Variants in BACE2 observed in about 807,000 individuals in gnomAD.
BACE2 encodes beta-secretase 2, also known as 56 kDa aspartic-like protease.
In BACE2, 17 loss-of-function variants were observed where a neutral mutation model predicts 46.2. The observed-to-expected ratio is 0.37, with a 90% CI of 0.25 to 0.55. The LOEUF is 0.55. BACE2 is among the 20% of genes least tolerant of loss of function. The pLI, the probability that BACE2 is intolerant of heterozygous loss-of-function variation, is 0.82. For missense variants in BACE2, 595 were observed against 698.1 expected, an observed-to-expected ratio of 0.85 and a Z score of 1.66; for synonymous variants, 277 against 295.9, an observed-to-expected ratio of 0.94 and a Z score of 0.66.
intron 1 of BACE2, among the ~76,000 whole-genome samples, chr21:41,206,633 T>A (rs1342916824): frequency 2.6e-5 from 4 of 152,136 alleles, no homozygotes; most frequent in African/African-American, 9.7e-5. Context: ...TCCGCAGGAA[T>A]GGAGAGTGAG....
intron 1 of BACE2, among the ~76,000 whole-genome samples, chr21:41,191,081 C>G (rs904261030): frequency 2.0e-5 from 3 of 152,136 alleles, no homozygotes; most frequent in Admixed American, 6.5e-5. Flanking sequence ...GATGCCACTT[C>G]CACTTCCAAC....
chr21:41,258,794 A>C (rs1047195991), intron 8 of BACE2, among the ~76,000 whole-genome samples: 1 of 152,196 alleles, frequency 6.6e-6, no homozygotes, highest in East Asian at 1.9e-4. Flanking sequence ...TTCGCTTTGC[A>C]TTTGTGAGCA....
At position 41,275,477 on chromosome 21, in the gene BACE2, T is replaced by C; in HGVS notation, c.1410T>C (p.Ile470=). Residue 470 remains isoleucine (I), a synonymous_variant, in exon 9 of 9, where the codon ATT becomes ATC. Coordinates refer to ENST00000330333, the MANE Select transcript of BACE2 (RefSeq NM_012105.5). ...CTTTGAGCGAGCCCATTTTGTGGAT[T>C]GTGTCCTATGCGCTCATGAGCGTCT... is the stretch of plus-strand genomic sequence containing the variant. ...AQSLSEPILW[I]VSYALMSVCG... 6.2e-7 allele frequency: 1 copy of C among 1,614,146 alleles called. No individual in the cohort carries two copies. Among genetic ancestry groups the C allele is most frequent in the Non-Finnish European group, 8.5e-7 (1 of 1,180,018 alleles).
At chr21:41,225,214 A>G (rs1354224923) in intron 1 of BACE2, among the ~76,000 whole-genome samples, 1 of 150,760 alleles carries the variant, frequency 6.6e-6, no homozygotes, top group Non-Finnish European at 1.5e-5. Flanking sequence ...AGCCTGAACG[A>G]TAGAGCGAGA....
chr21:41,179,656 G>A (rs1415460693), intron 1 of BACE2: 2 of 1,357,252 alleles, frequency 1.5e-6, no homozygotes, highest in South Asian at 2.3e-5. Context: ...TCTGAGGTTA[G>A]ATTTTAGTAG....
intron 1 of BACE2, among the ~76,000 whole-genome samples, chr21:41,203,169 G>A (rs527607979): frequency 1.3e-5 from 2 of 152,204 alleles, no homozygotes; most frequent in Non-Finnish European, 2.9e-5. Flanking sequence ...TGTAGGCATG[G>A]TGATAGAGAC....
chr21:41,192,977 G>C (rs1368146055), intron 1 of BACE2, among the ~76,000 whole-genome samples: 2 of 152,174 alleles, frequency 1.3e-5, no homozygotes, highest in Non-Finnish European at 2.9e-5. Flanking sequence ...TGAGGTAGAA[G>C]GTCCCTGAAT....
intron 1 of BACE2, among the ~76,000 whole-genome samples, chr21:41,210,511 C>T (rs1418700083): frequency 6.6e-6 from 1 of 152,174 alleles, no homozygotes; most frequent in African/African-American, 2.4e-5. Flanking sequence ...ACAGCGTCTT[C>T]TTTTTCTCCA....
chr21:41,262,554 AC>A (rs1279953167), intron 8 of BACE2, among the ~76,000 whole-genome samples: 1 of 151,920 alleles, frequency 6.6e-6, no homozygotes, highest in African/African-American at 2.4e-5. Context: ...TCCCTGAAAA[AC>A]CCTGTTGGGA....
At chr21:41,209,846 G>C (rs1008492205) in intron 1 of BACE2, among the ~76,000 whole-genome samples, 8 of 152,196 alleles carry the variant, frequency 5.3e-5, no homozygotes, top group African/African-American at 1.9e-4. Flanking sequence ...TCCTGTGAAT[G>C]TTATGAAAGG....
At chr21:41,232,991 C>G (rs904186298) in intron 2 of BACE2, among the ~76,000 whole-genome samples, 2 of 151,894 alleles carry the variant, frequency 1.3e-5, no homozygotes, top group African/African-American at 4.8e-5. Context: ...GCCTCAGCCT[C>G]CCGAGTAGCT....
rs2088508541 is a variant in BACE2, at chr21:41,277,948, TG to T, written c.*2327del. 6.6e-6 allele frequency: 1 copy of T among 152,248 alleles called. No individual in the cohort carries two copies. Among genetic ancestry groups the T allele is most frequent in the Admixed American group, 6.5e-5 (1 of 15,292 alleles). 9.4% of individuals were successfully genotyped at this position (152,248 alleles called of 1,614,324 possible). A position where few individuals can be genotyped will look rare whatever the true frequency, so the allele number is the denominator to read the frequency against. On this transcript the variant is annotated 3_prime_UTR_variant, in exon 9 of 9. Transcript: ENST00000330333. ...CAAGAATGAGATAGACAATTGAATG[TG>T]GGACATTTTTCTGGCATGTCTTGCT...
intron 1 of BACE2, among the ~76,000 whole-genome samples, chr21:41,216,357 G>A (rs1223943280): frequency 2.0e-5 from 3 of 152,226 alleles, no homozygotes; most frequent in Non-Finnish European, 4.4e-5. Flanking sequence ...TATGCTCCAG[G>A]AACGACCATC....
At chr21:41,253,909 C>T (rs1317498775) in intron 7 of BACE2, among the ~76,000 whole-genome samples, 1 of 152,198 alleles carries the variant, frequency 6.6e-6, no homozygotes, top group East Asian at 1.9e-4. Context: ...TCACATTCCA[C>T]TTGCTTTCCA....
At position 41,223,202 on chromosome 21, in the gene BACE2, A is replaced by C. The variant is rs545584658; in HGVS notation, c.313-3064A>C. Among the ~76,000 whole-genome samples, 50 of 152,126 alleles carry C rather than the reference A, an allele frequency of 3.3e-4. No individual in the cohort carries two copies. The South Asian group carries it at 9.8e-3, about 30-fold the overall frequency. ...GACCCCATCTCTACAAAAAATAAAAATAAATTAGCCAGGCATGGTGGTGCA... is the reference window on the plus strand; with the variant it reads ...GACCCCATCTCTACAAAAAATAAAACTAAATTAGCCAGGCATGGTGGTGCA... On this transcript the variant is annotated intron_variant, in intron 1 of 8. Coordinates refer to ENST00000330333, the MANE Select transcript of BACE2 (RefSeq NM_012105.5).
rs932566172 is a variant in BACE2 at position 41,280,034 on chromosome 21, C to A, written c.*4410C>A. The A allele has an allele frequency of 1.3e-5, 2 of 152,238 alleles. No individual in the cohort carries two copies. Among genetic ancestry groups the A allele is most frequent in the Admixed American group, 1.3e-4 (2 of 15,274 alleles). 9.4% of individuals were successfully genotyped at this position (152,238 alleles called of 1,614,324 possible). On this transcript the variant is annotated 3_prime_UTR_variant, in exon 9 of 9. Transcript: ENST00000330333. The stretch of plus-strand genomic sequence containing the variant: ...ACTTTTTAGGTATTTTGTAAAGGAA[C>A]TTCTCAGGATTGATTATTTGCCAGA...
intron 1 of BACE2, among the ~76,000 whole-genome samples, chr21:41,194,246 C>G (rs780789468): frequency 6.6e-6 from 1 of 152,172 alleles, no homozygotes; most frequent in Non-Finnish European, 1.5e-5. Context: ...GAGCTCTACA[C>G]GAGCCAGACT....
At chr21:41,204,483 G>T (rs1333280442) in intron 1 of BACE2, among the ~76,000 whole-genome samples, 1 of 152,184 alleles carries the variant, frequency 6.6e-6, no homozygotes, top group Non-Finnish European at 1.5e-5. Context: ...GCACTGAGTG[G>T]GGTGGTCCAG....
chr21:41,177,762 C>G (rs1260960409), intron 1 of BACE2: 1 of 152,236 alleles, frequency 6.6e-6, no homozygotes, highest in African/African-American at 2.4e-5. Context: ...CAAAACGGAA[C>G]AGCAACAACA....
Sources: allele counts gnomAD v4.1 joint callset (sites outside exome capture counted in the v4.1 genomes callset), GRCh38; gene constraint gnomAD v4.1.1; transcripts MANE v1.5; gene names NCBI Gene and HGNC (gene_info 2026-07-23, HGNC 2026-07-21).